Variants in LHCGR observed in about 807,000 individuals in gnomAD.
LHCGR encodes the protein luteinizing hormone/choriogonadotropin receptor, also known as lutropin-choriogonadotropic hormone receptor.
LHCGR carries 55 observed loss-of-function variants against 60.7 expected under a neutral mutation model. That is an observed-to-expected ratio of 0.91 (90% CI 0.73 to 1.13). The LOEUF (loss-of-function observed/expected upper bound fraction) is 1.13. LHCGR is among the 50% of genes most tolerant of loss of function. LHCGR has a pLI of 0.00. For missense variants in LHCGR, 862 were observed against 836.0 expected, an observed-to-expected ratio of 1.03 and a Z score of -0.38; for synonymous variants, 337 against 316.5, an observed-to-expected ratio of 1.06 and a Z score of -0.69.
chr2:48,694,981 G>C (rs554306639), intron 9 of LHCGR, among the ~76,000 whole-genome samples: 2 of 152,060 alleles, frequency 1.3e-5, no homozygotes, highest in Admixed American at 1.3e-4. Flanking sequence ...CCACAGCCTT[G>C]CCAGCATCTG....
At chr2:48,702,118 G>A (rs1302537324) in intron 8 of LHCGR, among the ~76,000 whole-genome samples, 1 of 152,122 alleles carries the variant, frequency 6.6e-6, no homozygotes, top group African/African-American at 2.4e-5. Flanking sequence ...GTGTGTGAGA[G>A]CAGCACAGTA....
chr2:48,705,393 A>G (rs1667613842), intron 8 of LHCGR, among the ~76,000 whole-genome samples: 1 of 152,202 alleles, frequency 6.6e-6, no homozygotes, highest in South Asian at 2.1e-4. Flanking sequence ...AGTTCTGTAG[A>G]TGTCTATTAG....
chr2:48,694,176 C>T (rs1558811052), intron 10 of LHCGR, 48 bp downstream of exon 10: 1 of 1,108,748 alleles, frequency 9.0e-7, no homozygotes, highest in Non-Finnish European at 1.4e-6. Flanking sequence ...ATAAGGTGCA[C>T]ACAGAACAAG....
At chr2:48,739,813 TA>T (rs1035048441) in intron 1 of LHCGR, among the ~76,000 whole-genome samples, 2 of 150,600 alleles carry the variant, frequency 1.3e-5, no homozygotes, top group African/African-American at 4.9e-5. Flanking sequence ...AAAGTATAAT[TA>T]AAAAAAAAGG....
intron 1 of LHCGR, among the ~76,000 whole-genome samples, chr2:48,741,388 G>A (rs1402772805): frequency 6.6e-6 from 1 of 152,092 alleles, no homozygotes; most frequent in South Asian, 2.1e-4. Flanking sequence ...ACACATAATT[G>A]TCAGATTCAC....
intron 6 of LHCGR, 115 bp downstream of exon 6, chr2:48,723,341 G>C: frequency 1.3e-6 from 1 of 778,620 alleles, no homozygotes; most frequent in East Asian, 2.6e-5. Context: ...AGGTTAAGAA[G>C]AATGTCACCA....
At chr2:48,741,010 C>A (rs1446933309) in intron 1 of LHCGR, among the ~76,000 whole-genome samples, 1 of 152,156 alleles carries the variant, frequency 6.6e-6, no homozygotes, top group Non-Finnish European at 1.5e-5. Flanking sequence ...GCTGATGGAG[C>A]TGAAAACCAA....
intron 8 of LHCGR, among the ~76,000 whole-genome samples, chr2:48,705,798 A>AGATGGGTCTCCTGAATACAGCACACT (rs1667635730): frequency 1.3e-5 from 2 of 151,650 alleles, no homozygotes; most frequent in Admixed American, 6.6e-5. Context: ...TTTGCATGTG[A>AGATGGGTCTCCTGAATACAGCACACT]GATGGGTCTC....
At chr2:48,743,875 A>G (rs1303822541) in intron 1 of LHCGR, among the ~76,000 whole-genome samples, 3 of 151,950 alleles carry the variant, frequency 2.0e-5, no homozygotes, top group African/African-American at 7.3e-5. Flanking sequence ...AATAAAGGGT[A>G]TTCAATTAGG....
At chr2:48,729,868 T>A (rs1285158055) in intron 2 of LHCGR, among the ~76,000 whole-genome samples, 1 of 152,222 alleles carries the variant, frequency 6.6e-6, no homozygotes, top group African/African-American at 2.4e-5. Flanking sequence ...GAATCCTTGG[T>A]GGCTTCATGT....
intron 1 of LHCGR, among the ~76,000 whole-genome samples, chr2:48,753,250 T>G (rs1181326925): frequency 6.6e-6 from 1 of 152,172 alleles, no homozygotes; most frequent in African/African-American, 2.4e-5. Flanking sequence ...AAGACCATAC[T>G]TTGAGAAATA....
At chr2:48,741,220 G>T (rs1335611483) in intron 1 of LHCGR, among the ~76,000 whole-genome samples, 4 of 152,194 alleles carry the variant, frequency 2.6e-5, no homozygotes, top group Non-Finnish European at 5.9e-5. Context: ...TCTGATTGGT[G>T]TACCTGAAAG....
At chr2:48,737,629 ATTG>A (rs1669258651) in intron 1 of LHCGR, among the ~76,000 whole-genome samples, 2 of 152,256 alleles carry the variant, frequency 1.3e-5, no homozygotes, top group African/African-American at 2.4e-5. Flanking sequence ...GTCTTCACTT[ATTG>A]GCCTATTGTC....
At chr2:48,751,469 T>C (rs748820004) in intron 1 of LHCGR, among the ~76,000 whole-genome samples, 25 of 152,248 alleles carry the variant, frequency 1.6e-4, no homozygotes, top group Non-Finnish European at 2.5e-4. Flanking sequence ...ACTTGGCCCA[T>C]GAAGCCTTCC....
intron 9 of LHCGR, 25 bp from the exon 10 acceptor site, chr2:48,694,329 G>GCT: frequency 6.8e-7 from 1 of 1,480,098 alleles, no homozygotes; most frequent in Non-Finnish European, 9.4e-7. Context: ...GTTAAAAAAA[G>GCT]CATTTGAGCT....
At chr2:48,724,456 A>G (rs1208057365) in intron 4 of LHCGR, among the ~76,000 whole-genome samples, 1 of 152,192 alleles carries the variant, frequency 6.6e-6, no homozygotes, top group African/African-American at 2.4e-5. Flanking sequence ...CCCTCGTGAC[A>G]ATGAAACAAA....
rs141245774 is a variant in LHCGR at position 48,688,819 on chromosome 2, C to G, written c.978G>C (p.Leu326=). Residue 326 remains leucine (L), a synonymous_variant, in exon 11 of 11, where the codon CTG becomes CTC. Coordinates refer to ENST00000294954, the MANE Select transcript of LHCGR (RefSeq NM_000233.4). The surrounding 1 kb of genome is among the most constrained non-coding windows in gnomAD (Gnocchi z 5.2). ...AACCATATTCATAGTCCCAGCCACT[C>G]AGTTCACTCTCAGCAAGCATGGAAG... ...LYSSMLAESE[L]SGWDYEYGFC... The G allele has an allele frequency of 3.5e-5, 57 of 1,613,970 alleles. No individual in the cohort carries two copies. In the African/African-American group the frequency reaches 6.4e-4, roughly 18 times the overall value.
intron 6 of LHCGR, chr2:48,720,411 T>C (rs1407083138): frequency 6.6e-6 from 1 of 152,232 alleles, no homozygotes; most frequent in Admixed American, 6.5e-5. Context: ...TGATTATTTT[T>C]AGATTTAGAT....
chr2:48,727,704 C>G (rs967454558), intron 3 of LHCGR, among the ~76,000 whole-genome samples: 1 of 152,222 alleles, frequency 6.6e-6, no homozygotes, highest in South Asian at 2.1e-4. Context: ...GTCTTTTGCA[C>G]TTACTCATTA....
Sources: allele counts gnomAD v4.1 joint callset (sites outside exome capture counted in the v4.1 genomes callset), GRCh38; gene constraint gnomAD v4.1.1; non-coding constraint Gnocchi (gnomAD v3.1); transcripts MANE v1.5; gene names NCBI Gene and HGNC (gene_info 2026-07-23, HGNC 2026-07-21).